MYO6: variants seen among roughly 807,000 people sequenced by gnomAD.
MYO6 encodes the protein myosin VI.
A neutral mutation model predicts 178.7 loss-of-function variants in MYO6; 74 were observed. The ratio of observed to expected loss-of-function variants is 0.41; its 90% CI spans 0.34 to 0.50. The LOEUF is 0.50. Among genes scored for constraint, MYO6 ranks in the 20% least tolerant of loss-of-function variants. MYO6 has a pLI of 0.09. For synonymous variants in MYO6, 477 were observed against 504.6 expected (o/e 0.95, Z 0.73); for missense variants, 1,330 against 1,547.4 (o/e 0.86, Z 2.36).
chr6:75,890,379 C>A, intron 26 of MYO6, 114 bp downstream of exon 26: 2 of 1,449,362 alleles, frequency 1.4e-6, no homozygotes, highest in Non-Finnish European at 1.9e-6. Context: ...CAGGGTCTTG[C>A]TCTGTTGCCC....
At chr6:75,874,242 C>G (rs751819148) in intron 20 of MYO6, among the ~76,000 whole-genome samples, 1 of 152,226 alleles carries the variant, frequency 6.6e-6, no homozygotes, top group African/African-American at 2.4e-5. Flanking sequence ...CTACCCTTGA[C>G]CTCTCTCACA....
chr6:75,843,683 A>G (rs1257286284), intron 9 of MYO6, among the ~76,000 whole-genome samples: 1 of 152,130 alleles, frequency 6.6e-6, no homozygotes, highest in Non-Finnish European at 1.5e-5. Flanking sequence ...TCTTATTTGA[A>G]ACAGTCCATT....
intron 1 of MYO6, among the ~76,000 whole-genome samples, chr6:75,783,063 C>T (rs1015489411): frequency 4.0e-4 from 60 of 151,880 alleles, no homozygotes; most frequent in African/African-American, 1.3e-3. Context: ...TACAGGCATG[C>T]GCCACCATGC....
At position 75,914,226 on chromosome 6, in the gene MYO6, G is replaced by T; in HGVS notation, c.3603G>T (p.Trp1201Cys). 6.2e-7 allele frequency: 1 copy of T among 1,614,196 alleles called. No homozygotes were observed. Among genetic ancestry groups the T allele is most frequent in the Non-Finnish European group, 8.5e-7 (1 of 1,180,032 alleles). The stretch of plus-strand genomic sequence containing the variant: ...GGTATGCCCATTTTGATGGACCATG[G>T]ATTGCCCGGCAAATGGAACTCCATC... ...GWWYAHFDGP[W>C]IARQMELHPD... Residue 1201 changes from tryptophan to cysteine, a missense_variant, in exon 34 of 35, where the codon TGG becomes TGT. Trp to Cys is a radical substitution (Grantham distance 215). Coordinates refer to ENST00000369977, the MANE Select transcript of MYO6 (RefSeq NM_004999.4).
intron 1 of MYO6, among the ~76,000 whole-genome samples, chr6:75,792,893 C>T (rs1768384507): frequency 6.6e-6 from 1 of 152,052 alleles, no homozygotes; most frequent in African/African-American, 2.4e-5. Context: ...AGGTGATTCA[C>T]CTGTCTTAGC....
chr6:75,901,520 CTGTT>C (rs1474232290), intron 30 of MYO6, among the ~76,000 whole-genome samples: 3 of 152,060 alleles, frequency 2.0e-5, no homozygotes, highest in Admixed American at 6.6e-5. Context: ...ATTTGGCTCT[CTGTT>C]TGTCTGTTAT....
chr6:75,914,230 G>T lies in MYO6; in HGVS notation c.3607G>T (p.Ala1203Ser), dbSNP rs764047739. The stretch of plus-strand genomic sequence containing the variant: ...TGCCCATTTTGATGGACCATGGATT[G>T]CCCGGCAAATGGAACTCCATCCTGA... ...WYAHFDGPWI[A>S]RQMELHPDKP... The change falls in exon 34 of 35, where the codon GCC (alanine) becomes TCC (serine). Residue 1203 changes from alanine to serine, a missense_variant. Ala to Ser is a moderately conservative substitution (Grantham distance 99, BLOSUM62 1). Transcript: ENST00000369977. The T allele has an allele frequency of 1.5e-5, 24 of 1,614,102 alleles. No individual in the cohort carries two copies. The South Asian group carries it at 2.3e-4, about 16-fold the overall frequency.
At chr6:75,880,190 A>G (rs1424058136) in intron 22 of MYO6, 70 bp downstream of exon 22, 6 of 1,098,688 alleles carry the variant, frequency 5.5e-6, no homozygotes, top group Non-Finnish European at 8.1e-6. Context: ...TGAATATCTT[A>G]AAGTATTTAA....
chr6:75,775,799 A>C (rs1766322010), intron 1 of MYO6, among the ~76,000 whole-genome samples: 1 of 152,314 alleles, frequency 6.6e-6, no homozygotes, highest in South Asian at 2.1e-4. Context: ...CCATAGAGCT[A>C]CTATTATGCA....
chr6:75,779,748 T>C (rs1766770987), intron 1 of MYO6, among the ~76,000 whole-genome samples: 1 of 152,220 alleles, frequency 6.6e-6, no homozygotes, highest in Admixed American at 6.5e-5. Context: ...TTTCATGTGG[T>C]AATTATTACA....
At chr6:75,895,803 A>G (rs1779256702) in intron 29 of MYO6, among the ~76,000 whole-genome samples, 2 of 152,140 alleles carry the variant, frequency 1.3e-5, no homozygotes, top group Non-Finnish European at 2.9e-5. Context: ...GGCGTGAGTC[A>G]CTGTGCCCGG....
At chr6:75,848,678 A>G (rs1031899041) in intron 11 of MYO6, 147 bp downstream of exon 11, 84 of 782,768 alleles carry the variant, frequency 1.1e-4, no homozygotes, top group Non-Finnish European at 1.6e-4. Context: ...TGAATCTCCC[A>G]AATGAAGAAT....
intron 1 of MYO6, among the ~76,000 whole-genome samples, chr6:75,810,964 G>A (rs1770638397): frequency 6.6e-6 from 1 of 152,118 alleles, no homozygotes; most frequent in Admixed American, 6.5e-5. Context: ...CTATGATTGT[G>A]CCATTGCACT....
chr6:75,760,248 T>C (rs1345645719), intron 1 of MYO6, among the ~76,000 whole-genome samples: 1 of 152,206 alleles, frequency 6.6e-6, no homozygotes, highest in Non-Finnish European at 1.5e-5. Flanking sequence ...ATGCCAATTT[T>C]ACCTAGTTAA....
intron 1 of MYO6, among the ~76,000 whole-genome samples, chr6:75,785,157 AT>A (rs1767409486): frequency 6.6e-6 from 1 of 152,136 alleles, no homozygotes; most frequent in African/African-American, 2.4e-5. Flanking sequence ...ATGTATATTA[AT>A]TGCTGTCTGT....
chr6:75,873,875 C>T (rs771465909), intron 20 of MYO6, among the ~76,000 whole-genome samples: 3 of 152,098 alleles, frequency 2.0e-5, no homozygotes, highest in Non-Finnish European at 2.9e-5. Flanking sequence ...CACTTCCTAC[C>T]CCTCACCCTG....
chr6:75,851,027 G>T (rs541606512), intron 11 of MYO6, among the ~76,000 whole-genome samples: 1 of 152,008 alleles, frequency 6.6e-6, no homozygotes, highest in South Asian at 2.1e-4. Context: ...TTGCTCTCTA[G>T]CATTGTTATA....
chr6:75,781,011 C>T (rs1392486646), intron 1 of MYO6, among the ~76,000 whole-genome samples: 1 of 151,982 alleles, frequency 6.6e-6, no homozygotes, highest in Non-Finnish European at 1.5e-5. Flanking sequence ...CAGGGTTTCA[C>T]CATGTTGGCC....
intron 11 of MYO6, among the ~76,000 whole-genome samples, chr6:75,853,182 G>T (rs749817485): frequency 6.6e-6 from 1 of 152,038 alleles, no homozygotes. Context: ...TATTAATTGG[G>T]TTGTCTTTTT....
Sources: gnomAD v4.1 joint callset for allele counts (sites outside exome capture counted in the v4.1 genomes callset) on GRCh38, gnomAD v4.1.1 for gene constraint, MANE v1.5 for transcripts, NCBI Gene and HGNC (gene_info 2026-07-23, HGNC 2026-07-21) for gene names.